The following MAP4K4 variants were observed in gnomAD, a reference collection of about 807,000 sequenced individuals.
MAP4K4 encodes mitogen-activated protein kinase kinase kinase kinase 4.
A neutral mutation model predicts 189.6 loss-of-function variants in MAP4K4; 38 were observed. The observed-to-expected ratio is 0.20, with a 90% CI of 0.15 to 0.26. The LOEUF is 0.26. Among genes scored for constraint, MAP4K4 ranks in the 10% least tolerant of loss-of-function variants. The pLI is 1.00. For missense variants in MAP4K4, 1,054 were observed against 1,726.9 expected, an observed-to-expected ratio of 0.61 and a Z score of 6.91; for synonymous variants, 610 against 624.3, an observed-to-expected ratio of 0.98 and a Z score of 0.34.
At chr2:101,788,347 C>CT (rs960074386) in intron 2 of MAP4K4, among the ~76,000 whole-genome samples, 1 of 152,196 alleles carries the variant, frequency 6.6e-6, no homozygotes, top group African/African-American at 2.4e-5. Context: ...ACTCTCTGCA[C>CT]TTTATCTACC....
chr2:101,829,840 C>G, intron 6 of MAP4K4: 1 of 373,696 alleles, frequency 2.7e-6, no homozygotes, highest in Non-Finnish European at 5.0e-6. Flanking sequence ...TCAGACCATG[C>G]CACTTTCCTG....
chr2:101,794,204 A>G (rs2093381659), intron 3 of MAP4K4, among the ~76,000 whole-genome samples: 1 of 152,136 alleles, frequency 6.6e-6, no homozygotes, highest in South Asian at 2.1e-4. Context: ...TTTTGTTTTA[A>G]ATAATGACAG....
At chr2:101,711,564 G>T (rs2045569839) in intron 2 of MAP4K4, among the ~76,000 whole-genome samples, 1 of 152,014 alleles carries the variant, frequency 6.6e-6, no homozygotes, top group African/African-American at 2.4e-5. Flanking sequence ...CTTGCTCTTT[G>T]ATAATATGGA....
At chr2:101,823,425 G>A (rs2096194130) in intron 3 of MAP4K4, among the ~76,000 whole-genome samples, 1 of 152,212 alleles carries the variant, frequency 6.6e-6, no homozygotes, top group Admixed American at 6.5e-5. Flanking sequence ...CTGCGTTCAT[G>A]TATTCAGTAC....
intron 12 of MAP4K4, among the ~76,000 whole-genome samples, chr2:101,847,448 C>G (rs1431369632): frequency 6.6e-6 from 1 of 152,058 alleles, no homozygotes; most frequent in Non-Finnish European, 1.5e-5. Flanking sequence ...TGTTATTTGC[C>G]CTTGAAGACT....
exon 33 of MAP4K4, chr2:101,893,437 G>A (rs529928175): frequency 5.2e-5 from 18 of 348,904 alleles, no homozygotes; most frequent in African/African-American, 2.1e-4. Flanking sequence ...GGATTCCATC[G>A]CCACAGGACT....
At chr2:101,864,832 A>T in intron 17 of MAP4K4, 98 bp from the exon 18 acceptor site, 1 of 781,328 alleles carries the variant, frequency 1.3e-6, no homozygotes, top group Non-Finnish European at 2.1e-6. Context: ...GACTGCTTTT[A>T]AATATTAGGA....
At chr2:101,857,162 G>T (rs1451750607) in intron 13 of MAP4K4, among the ~76,000 whole-genome samples, 1 of 152,062 alleles carries the variant, frequency 6.6e-6, no homozygotes, top group African/African-American at 2.4e-5. Context: ...TGAGAGGAGG[G>T]TGTGATGGTA....
intron 3 of MAP4K4, among the ~76,000 whole-genome samples, chr2:101,799,728 A>G (rs2094184683): frequency 6.6e-6 from 1 of 152,088 alleles, no homozygotes; most frequent in South Asian, 2.1e-4. Context: ...CAGCCTCCTG[A>G]GTAGGTGGGA....
chr2:101,882,326 A>G (rs1403623750), intron 27 of MAP4K4, among the ~76,000 whole-genome samples: 7 of 152,094 alleles, frequency 4.6e-5, no homozygotes, highest in Non-Finnish European at 7.4e-5. Flanking sequence ...CAGTTTTTCT[A>G]TTGTTATCTC....
rs942699954 is a variant in MAP4K4, at chr2:101,844,321, G to A, written c.1233+10G>A. ...GCGACGGCTAGAAGAGGTAGCAAAA[G>A]GAAAATGTCCAAGTTGGTTGGTCTT... On this transcript the variant is annotated intron_variant, in intron 12 of 32. Transcript: ENST00000324219. 2 of 1,551,806 alleles carry A rather than the reference G, an allele frequency of 1.3e-6. No individual in the cohort carries two copies. Among genetic ancestry groups the A allele is most frequent in the African/African-American group, 2.7e-5 (2 of 72,906 alleles).
At chr2:101,721,780 A>G (rs920167501) in intron 2 of MAP4K4, among the ~76,000 whole-genome samples, 3 of 152,096 alleles carry the variant, frequency 2.0e-5, no homozygotes, top group African/African-American at 7.2e-5. Flanking sequence ...ACCTGCTCAG[A>G]AGGAGGTGGT....
intron 2 of MAP4K4, among the ~76,000 whole-genome samples, chr2:101,767,926 T>C (rs1298112687): frequency 6.6e-6 from 1 of 152,316 alleles, no homozygotes; most frequent in East Asian, 1.9e-4. Flanking sequence ...ACAAATGAAA[T>C]GGCCTTTTGG....
intron 3 of MAP4K4, among the ~76,000 whole-genome samples, chr2:101,822,523 T>A (rs2096127507): frequency 6.6e-6 from 1 of 152,244 alleles, no homozygotes; most frequent in African/African-American, 2.4e-5. Context: ...CTGAAGTTCG[T>A]ATTTTAAAAA....
chr2:101,771,140 A>G (rs758162916), intron 2 of MAP4K4, among the ~76,000 whole-genome samples: 1 of 152,122 alleles, frequency 6.6e-6, no homozygotes, highest in African/African-American at 2.4e-5. Context: ...TGAGCTCTCC[A>G]TGTTGTTTTC....
chr2:101,735,171 T>C (rs888450373), intron 2 of MAP4K4, among the ~76,000 whole-genome samples: 1 of 152,146 alleles, frequency 6.6e-6, no homozygotes, highest in Non-Finnish European at 1.5e-5. Flanking sequence ...ATGAGACCAC[T>C]GTTACCATAC....
intron 12 of MAP4K4, among the ~76,000 whole-genome samples, chr2:101,845,447 C>G (rs188721576): frequency 2.6e-5 from 4 of 152,104 alleles, no homozygotes; most frequent in African/African-American, 4.8e-5. Flanking sequence ...ATTAGGTGAT[C>G]CGTCATTGTG....
intron 2 of MAP4K4, among the ~76,000 whole-genome samples, chr2:101,715,202 C>G (rs2047762187): frequency 6.6e-6 from 1 of 152,154 alleles, no homozygotes; most frequent in Admixed American, 6.5e-5. Flanking sequence ...CTTTTGTGCA[C>G]CCCTCCCTGG....
At chr2:101,843,974 T>G in intron 11 of MAP4K4, 127 bp from the exon 12 acceptor site, 1 of 631,464 alleles carries the variant, frequency 1.6e-6, no homozygotes, top group East Asian at 2.7e-5. Context: ...ATGTATTAGT[T>G]GTCTCCCTGG....
Sources: allele counts gnomAD v4.1 joint callset (sites outside exome capture counted in the v4.1 genomes callset), GRCh38; gene constraint gnomAD v4.1.1; transcripts MANE v1.5; gene names NCBI Gene and HGNC (gene_info 2026-07-23, HGNC 2026-07-21).